NIPBL: variants seen among roughly 807,000 people sequenced by gnomAD.
NIPBL encodes the protein nipped-B-like protein.
Under a neutral mutation model 321.8 loss-of-function variants are expected in NIPBL, and 19 were observed. That is an observed-to-expected ratio of 0.06 (90% CI 0.04 to 0.09). The LOEUF is 0.09. Ranked by LOEUF, NIPBL falls within the 10% of genes least tolerant of loss-of-function variation. The pLI is 1.00. For missense variants in NIPBL, 2,210 were observed against 3,327.0 expected, an observed-to-expected ratio of 0.66 and a Z score of 8.26; for synonymous variants, 1,106 against 1,114.1, an observed-to-expected ratio of 0.99 and a Z score of 0.14.
chr5:36,935,668 A>G (rs1313683520), intron 1 of NIPBL, among the ~76,000 whole-genome samples: 1 of 152,284 alleles, frequency 6.6e-6, no homozygotes, highest in African/African-American at 2.4e-5. Flanking sequence ...TGCTATAACA[A>G]CTTATAATAC....
intron 4 of NIPBL, among the ~76,000 whole-genome samples, chr5:36,960,903 C>T (rs1741540905): frequency 6.6e-6 from 1 of 151,894 alleles, no homozygotes; most frequent in South Asian, 2.1e-4. Flanking sequence ...TCCGTTAATC[C>T]CTACTATGTG....
intron 1 of NIPBL, among the ~76,000 whole-genome samples, chr5:36,902,659 T>C (rs1174066455): frequency 6.6e-6 from 1 of 152,204 alleles, no homozygotes; most frequent in African/African-American, 2.4e-5. Context: ...TTTAGTATAG[T>C]TTGAAGTTGG....
intron 10 of NIPBL, among the ~76,000 whole-genome samples, chr5:36,990,354 T>C (rs1745359586): frequency 6.6e-6 from 1 of 152,178 alleles, no homozygotes; most frequent in South Asian, 2.1e-4. Context: ...AGTTAGATGG[T>C]GTTTAGGATC....
chr5:37,065,339 T>TA lies in NIPBL; in HGVS notation c.*447_*448insA, dbSNP rs1755268742. ...CTCCTGGATATATAATTTATTCTGT[T>TA]GAAAAAAAAAAAAGCATGCAGTATC... is the stretch of plus-strand genomic sequence containing the variant. On this transcript the variant is annotated 3_prime_UTR_variant, in exon 47 of 47. Transcript: ENST00000282516. The TA allele has an allele frequency of 1.7e-5, 3 of 173,946 alleles. No individual in the cohort carries two copies. Among genetic ancestry groups the TA allele is most frequent in the Non-Finnish European group, 2.4e-5 (2 of 82,678 alleles). 10.8% of individuals were successfully genotyped at this position (173,946 alleles called of 1,614,324 possible).
At chr5:36,960,571 T>C (rs1741503172) in intron 4 of NIPBL, among the ~76,000 whole-genome samples, 1 of 152,182 alleles carries the variant, frequency 6.6e-6, no homozygotes, top group African/African-American at 2.4e-5. Context: ...ACAATCTCTT[T>C]TGTAGTACTC....
chr5:36,985,940 G>C lies in NIPBL; in HGVS notation c.2760G>C (p.Arg920Ser), dbSNP rs753280932. Residue 920 changes from arginine to serine, a missense_variant, in exon 10 of 47, where the codon AGG becomes AGC. This residue lies in a region of NIPBL where 588 missense variants were observed against 564.1 expected (regional missense o/e 1.04). Transcript: ENST00000282516. The part of the protein sequence containing the change: ...FKSPTSKDDK[R>S]TEGNKSKVDT... ...CACCAACTAGTAAAGATGACAAAAG[G>C]ACAGAGGGTAACAAGAGTAAAGTAG... The C allele has an allele frequency of 6.2e-7, 1 of 1,613,786 alleles. No homozygotes were observed.
chr5:36,987,329 A>ATTAC (rs1268505676), intron 10 of NIPBL, among the ~76,000 whole-genome samples: 1 of 152,224 alleles, frequency 6.6e-6, no homozygotes, highest in East Asian at 1.9e-4. Flanking sequence ...CAAGAGGGTA[A>ATTAC]CCATTGCCTT....
intron 29 of NIPBL, among the ~76,000 whole-genome samples, chr5:37,023,379 T>G (rs1749872092): frequency 6.6e-6 from 1 of 152,218 alleles, no homozygotes; most frequent in Admixed American, 6.5e-5. Flanking sequence ...ACACTTCATG[T>G]ATGATGCTTT....
chr5:36,975,231 GAAGT>G (rs1430013299), intron 8 of NIPBL, among the ~76,000 whole-genome samples: 1 of 152,038 alleles, frequency 6.6e-6, no homozygotes, highest in African/African-American at 2.4e-5. Flanking sequence ...ACCAGTTTTT[GAAGT>G]AAGTAAAGGC....
Position 37,044,457 on chromosome 5 carries a change from A to C in NIPBL, c.6219A>C (p.Leu2073=), listed in dbSNP as rs149769284. ...ETFLATIEED[L]MKLIIKYGMT... ...TTCTTGCCACTATTGAGGAAGATCT[A>C]ATGAAGCTCATCATCAAATATGGCA... Residue 2073 remains leucine, a synonymous_variant, in exon 35 of 47, where the codon CTA becomes CTC. Transcript: ENST00000282516. 5.0e-6 allele frequency: 8 copies of C among 1,613,948 alleles called. No individual in the cohort carries two copies. The South Asian group carries it at 8.8e-5, about 18-fold the overall frequency.
intron 1 of NIPBL, among the ~76,000 whole-genome samples, chr5:36,932,207 T>C (rs1226116923): frequency 1.3e-5 from 2 of 152,188 alleles, no homozygotes; most frequent in Non-Finnish European, 2.9e-5. Context: ...TTAAAAGGCA[T>C]TGAGTATTCT....
chr5:37,049,412 G>A (rs974975704), intron 40 of NIPBL, 111 bp downstream of exon 40: 4 of 1,183,204 alleles, frequency 3.4e-6, no homozygotes, highest in Non-Finnish European at 5.0e-6. Flanking sequence ...ACTCTTCTTT[G>A]TACTAAACTC....
chr5:36,977,193 T>C (rs1358590847), intron 9 of NIPBL, among the ~76,000 whole-genome samples: 1 of 152,128 alleles, frequency 6.6e-6, no homozygotes, highest in East Asian at 1.9e-4. Flanking sequence ...ATTTGATTGC[T>C]ATATAAATGC....
chr5:36,939,039 G>T (rs1580280258), intron 1 of NIPBL, among the ~76,000 whole-genome samples: 1 of 147,786 alleles, frequency 6.8e-6, no homozygotes, highest in African/African-American at 2.7e-5. Flanking sequence ...GTCTTGCTCT[G>T]TCACCCAGGC....
At chr5:37,029,875 A>T (rs1010860609) in intron 32 of NIPBL, among the ~76,000 whole-genome samples, 1 of 152,180 alleles carries the variant, frequency 6.6e-6, no homozygotes, top group Non-Finnish European at 1.5e-5. Context: ...TTTTTACATG[A>T]TATATTTGGC....
rs1302674652 is a variant in NIPBL at position 37,019,370 on chromosome 5, T to C, written c.4980T>C (p.Asp1660=). The C allele has an allele frequency of 6.2e-7, 1 of 1,612,862 alleles. No homozygotes were observed. The highest frequency in any genetic ancestry group is 1.1e-5 in the South Asian group (1 of 91,050). Residue 1660 remains aspartate (D), a synonymous_variant, in exon 25 of 47, where the codon GAT becomes GAC. Coordinates refer to ENST00000282516, the MANE Select transcript of NIPBL (RefSeq NM_133433.4). ...QLQKALLDYL[D]ENTETDPSLV... is the part of the protein sequence containing the mutation. ...AAAAAGCATTGCTTGATTACTTGGA[T>C]GAAAACACTGAGACTGATCCTTCAC...
rs373316900 is a variant in NIPBL, at chr5:36,876,799, G to A, written c.-459G>A. Reference sequence around the variant, plus strand: ...GTTCTGAGAGGGAGAGACGGAACGAGAGAGAGACACACACAGGGCTCCTTC... The same window carrying A: ...GTTCTGAGAGGGAGAGACGGAACGAAAGAGAGACACACACAGGGCTCCTTC... On this transcript the variant is annotated 5_prime_UTR_variant, in exon 1 of 47. Coordinates refer to ENST00000282516, the MANE Select transcript of NIPBL (RefSeq NM_133433.4). 1 of 397,412 alleles carries A rather than the reference G, an allele frequency of 2.5e-6. No individual in the cohort carries two copies. The highest frequency in any genetic ancestry group is 4.4e-6 in the Non-Finnish European group (1 of 225,220). 24.6% of individuals were successfully genotyped at this position (397,412 alleles called of 1,614,324 possible). A position where few individuals can be genotyped will look rare whatever the true frequency, so the allele number is the denominator to read the frequency against.
rs1296458229 is a variant in NIPBL, at chr5:37,002,776, A to C, written c.3768+11A>C. The C allele has an allele frequency of 7.1e-7, 1 of 1,415,244 alleles. No individual in the cohort carries two copies. 87.7% of individuals were successfully genotyped at this position (1,415,244 alleles called of 1,614,324 possible). A position where few individuals can be genotyped will look rare whatever the true frequency, so the allele number is the denominator to read the frequency against. ...GGTATAATGGATAAGGTATCTCACC[A>C]AAGTAAAATTTATAAATTTACTTCA... is the stretch of plus-strand genomic sequence containing the variant. On this transcript the variant is annotated intron_variant, in intron 15 of 46. Transcript: ENST00000282516.
At chr5:36,983,141 T>A (rs1744336371) in intron 9 of NIPBL, among the ~76,000 whole-genome samples, 1 of 151,888 alleles carries the variant, frequency 6.6e-6, no homozygotes, top group African/African-American at 2.4e-5. Flanking sequence ...GGTATTGATG[T>A]AGAAAACTTC....
Sources: gnomAD v4.1 joint callset for allele counts (sites outside exome capture counted in the v4.1 genomes callset) on GRCh38, gnomAD v4.1.1 for gene constraint, gnomAD v4.1.1 regional missense constraint, MANE v1.5 for transcripts, NCBI Gene and HGNC (gene_info 2026-07-23, HGNC 2026-07-21) for gene names.